Variants in MAGI1 observed in about 807,000 individuals in gnomAD.
MAGI1 encodes membrane associated guanylate kinase, WW and PDZ domain containing 1.
A neutral mutation model predicts 139.9 loss-of-function variants in MAGI1; 58 were observed. That is an observed-to-expected ratio of 0.41 (90% CI 0.34 to 0.52). MAGI1 has a LOEUF of 0.52. Among genes scored for constraint, MAGI1 ranks in the 20% least tolerant of loss-of-function variants. The pLI, the probability that MAGI1 is intolerant of heterozygous loss-of-function variation, is 0.12. For synonymous variants in MAGI1, 812 were observed against 737.9 expected (o/e 1.10, Z -1.63); for missense variants, 1,874 against 1,901.6 (o/e 0.99, Z 0.27).
At chr3:65,786,608 A>ATTTTTTTTTTTTTT (rs34768515) in intron 1 of MAGI1, among the ~76,000 whole-genome samples, 1 of 128,374 alleles carries the variant, frequency 7.8e-6, no homozygotes, top group Non-Finnish European at 1.6e-5. Flanking sequence ...TGGCCCAAGA[A>ATTTTTTTTTTTTTT]TTTTTTTTTT....
chr3:65,867,466 G>T (rs1438042155), intron 1 of MAGI1, among the ~76,000 whole-genome samples: 1 of 152,162 alleles, frequency 6.6e-6, no homozygotes, highest in African/African-American at 2.4e-5. Flanking sequence ...CAGGCATGGT[G>T]GCTCACGCCT....
intron 1 of MAGI1, among the ~76,000 whole-genome samples, chr3:65,876,864 C>G (rs537082055): frequency 7.2e-5 from 11 of 151,876 alleles, no homozygotes; most frequent in Non-Finnish European, 1.5e-4. Flanking sequence ...CTGCCTCAGC[C>G]TCCCGATTAG....
chr3:65,493,784 CTTCT>C (rs1473470298), intron 2 of MAGI1, among the ~76,000 whole-genome samples, 153 bp from the exon 3 acceptor site: 1 of 152,216 alleles, frequency 6.6e-6, no homozygotes, highest in South Asian at 2.1e-4. Flanking sequence ...GTAAAGGCAA[CTTCT>C]TTCTAATACA....
At chr3:65,880,824 T>C (rs2060295586) in intron 1 of MAGI1, among the ~76,000 whole-genome samples, 1 of 152,122 alleles carries the variant, frequency 6.6e-6, no homozygotes, top group Admixed American at 6.5e-5. Context: ...AGAAAGATAC[T>C]ACTGTTGGCC....
intron 2 of MAGI1, among the ~76,000 whole-genome samples, chr3:65,608,935 C>T (rs1443670252): frequency 1.3e-5 from 2 of 152,188 alleles, no homozygotes; most frequent in Non-Finnish European, 2.9e-5. Context: ...CTGCTACATT[C>T]AAACTACATG....
At chr3:65,789,566 G>T (rs1399133965) in intron 1 of MAGI1, among the ~76,000 whole-genome samples, 2 of 152,142 alleles carry the variant, frequency 1.3e-5, no homozygotes, top group African/African-American at 2.4e-5. Context: ...GAGAAGTTAG[G>T]TAAGTTAAAG....
At chr3:65,803,234 T>A (rs2108143729) in intron 1 of MAGI1, among the ~76,000 whole-genome samples, 2 of 152,304 alleles carry the variant, frequency 1.3e-5, no homozygotes, top group South Asian at 4.1e-4. Context: ...TCCTGCGATA[T>A]TATAACAGCA....
chr3:65,946,128 AC>A (rs1373932277), intron 1 of MAGI1, among the ~76,000 whole-genome samples: 2 of 152,200 alleles, frequency 1.3e-5, no homozygotes, highest in Non-Finnish European at 2.9e-5. Flanking sequence ...GGGGGTGGCC[AC>A]CGAGGGTATC....
chr3:65,941,507 T>A (rs1289404581), intron 1 of MAGI1, among the ~76,000 whole-genome samples: 2 of 152,140 alleles, frequency 1.3e-5, no homozygotes, highest in East Asian at 3.9e-4. Context: ...TGAAGCAGTA[T>A]CCCTGGCCTC....
intron 1 of MAGI1, among the ~76,000 whole-genome samples, chr3:66,027,371 A>C (rs1033306149): frequency 5.3e-5 from 8 of 152,240 alleles, no homozygotes; most frequent in African/African-American, 1.9e-4. Flanking sequence ...TGGTTCCATC[A>C]TAGCTCACTG....
chr3:65,903,963 G>T (rs919749158), intron 1 of MAGI1, among the ~76,000 whole-genome samples: 1 of 151,770 alleles, frequency 6.6e-6, no homozygotes, highest in African/African-American at 2.4e-5. Flanking sequence ...AGCCGAGATC[G>T]TGCCACTGCA....
Position 65,379,398 on chromosome 3 carries a change from C to G in MAGI1, c.2858G>C (p.Ser953Thr). 6.2e-7 allele frequency: 1 copy of G among 1,613,050 alleles called. No individual in the cohort carries two copies. Among genetic ancestry groups the G allele is most frequent in the Admixed American group, 1.7e-5 (1 of 59,952 alleles). ...SGSGSTSGIGSGGGGGSGVVS... is the reference protein window; with the variant it reads ...SGSGSTSGIGTGGGGGSGVVS... ...CACGCCGCTGCCCCCGCCGCCGCCA[C>G]TGCCGATGCCGCTGGTGCTGCCGCT... Residue 953 changes from serine (S) to threonine (T), a missense_variant, in exon 17 of 23, where the codon AGT becomes ACT. By Grantham distance (58) the Ser-to-Thr change is moderately conservative (BLOSUM62 1). This residue lies in a region of MAGI1 where 482 missense variants were observed against 509.6 expected (regional missense o/e 0.95). Coordinates refer to ENST00000402939, the MANE Select transcript of MAGI1 (RefSeq NM_001033057.2).
At chr3:65,379,719 C>G (rs952401586) in intron 16 of MAGI1, among the ~76,000 whole-genome samples, 165 bp from the exon 17 acceptor site, 1 of 152,180 alleles carries the variant, frequency 6.6e-6, no homozygotes. Context: ...AAAGCAGCTT[C>G]TCTTGACAAA....
At chr3:65,803,160 T>A (rs1405619030) in intron 1 of MAGI1, among the ~76,000 whole-genome samples, 2 of 152,186 alleles carry the variant, frequency 1.3e-5, no homozygotes, top group African/African-American at 2.4e-5. Flanking sequence ...TGATTTTTTT[T>A]AACTAGAGTT....
In MAGI1 at chr3:65,898,612, T is replaced by C. The variant is rs559520395; in HGVS notation, c.313+139384A>G. On this transcript the variant is annotated intron_variant, in intron 1 of 22. Transcript: ENST00000402939. The stretch of plus-strand genomic sequence containing the variant: ...TCTCATTTCACAAAAGTTCCTATTA[T>C]TTTGAAACACTTAGTATACAAAGTC... Among the ~76,000 whole-genome samples the C allele has an allele frequency of 5.9e-5, 9 of 152,318 alleles. No homozygotes were observed. In the South Asian group the frequency reaches 1.4e-3, roughly 25 times the overall value.
chr3:65,631,208 G>C (rs2107154162), intron 1 of MAGI1, among the ~76,000 whole-genome samples: 1 of 152,290 alleles, frequency 6.6e-6, no homozygotes, highest in South Asian at 2.1e-4. Flanking sequence ...TGACATGATG[G>C]AGGAAGACAC....
At chr3:65,539,661 A>G (rs544489276) in intron 2 of MAGI1, among the ~76,000 whole-genome samples, 1 of 152,320 alleles carries the variant, frequency 6.6e-6, no homozygotes, top group African/African-American at 2.4e-5. Flanking sequence ...TCCTAGACAC[A>G]AAGGGAGCTG....
chr3:65,893,579 T>C (rs780881318), intron 1 of MAGI1, among the ~76,000 whole-genome samples: 3 of 152,146 alleles, frequency 2.0e-5, no homozygotes, highest in Non-Finnish European at 2.9e-5. Context: ...GCGAGTCCCA[T>C]TTACAATTAA....
chr3:65,947,789 T>C lies in MAGI1; in HGVS notation c.313+90207A>G, dbSNP rs141383097. ...GCACCATCATGCCCAGCTAATTTAT[T>C]TTATTTTTAGTATTGATGAGATCTC... On this transcript the variant is annotated intron_variant, in intron 1 of 22. Coordinates refer to ENST00000402939, the MANE Select transcript of MAGI1 (RefSeq NM_001033057.2). 4.2e-3 allele frequency among the ~76,000 whole-genome samples: 645 copies of C among 152,038 alleles called. 5 individuals carry two copies. Among genetic ancestry groups the C allele is most frequent in the African/African-American group, 0.014 (590 of 41,462 alleles).
Sources: gnomAD v4.1 joint callset for allele counts (sites outside exome capture counted in the v4.1 genomes callset) on GRCh38, gnomAD v4.1.1 for gene constraint, gnomAD v4.1.1 regional missense constraint, MANE v1.5 for transcripts, NCBI Gene and HGNC (gene_info 2026-07-23, HGNC 2026-07-21) for gene names.